The following CEP63 variants were observed in gnomAD, a reference collection of about 807,000 sequenced individuals.
CEP63 encodes the protein centrosomal protein of 63 kDa.
A neutral mutation model predicts 89.1 loss-of-function variants in CEP63; 84 were observed. The ratio of observed to expected loss-of-function variants is 0.94; its 90% CI spans 0.79 to 1.13. The LOEUF is 1.13. CEP63 is among the 50% of genes most tolerant of loss of function. The pLI is 0.00. For synonymous variants in CEP63, 267 were observed against 272.5 expected (o/e 0.98, Z 0.20); for missense variants, 838 against 813.3 (o/e 1.03, Z -0.37).
intron 9 of CEP63, 139 bp from the exon 10 acceptor site, chr3:134,548,923 G>C (rs1954210090): frequency 1.6e-6 from 1 of 642,908 alleles, no homozygotes; most frequent in African/African-American, 1.8e-5. Context: ...TGGCTTTTTA[G>C]TAATATTTTA....
intron 2 of CEP63, among the ~76,000 whole-genome samples, chr3:134,496,670 G>A (rs1194333610): frequency 6.6e-6 from 1 of 152,100 alleles, no homozygotes; most frequent in African/African-American, 2.4e-5. Context: ...GAAATATTGT[G>A]CCTGTTTATG....
chr3:134,707,403 C>T, the CEP63 span, among the ~76,000 whole-genome samples: 1 of 152,170 alleles, frequency 6.6e-6, no homozygotes, highest in Non-Finnish European at 1.5e-5. Flanking sequence ...GTACAGGGGC[C>T]AGAGGGCTAC....
rs781425260 is a variant in CEP63 at position 134,558,245 on chromosome 3, A to T, written c.1571A>T (p.Lys524Ile). 10 of 1,613,834 alleles carry T rather than the reference A, an allele frequency of 6.2e-6. No individual in the cohort carries two copies. The South Asian group carries it at 9.9e-5, about 16-fold the overall frequency. ...QQLQKDLMNT[K>I]SQLEISTQMC... ...CTACAGAAAGATTTGATGAATACCA[A>T]ATCTCAGCTGGAGATTTCTACTCAG... Residue 524 changes from lysine to isoleucine, a missense_variant, in exon 13 of 15, where the codon AAA (lysine) becomes ATA (isoleucine). Physicochemically the swap from Lys to Ile is moderately radical, Grantham distance 102 (BLOSUM62 -3). Transcript: ENST00000675561.
the CEP63 span, among the ~76,000 whole-genome samples, chr3:134,779,524 A>C: frequency 1.3e-5 from 2 of 152,230 alleles, no homozygotes; most frequent in Admixed American, 1.3e-4. Context: ...GGAGAGTGAC[A>C]AAATGAATTT....
Position 134,573,445 on chromosome 3 carries a change from G to A in CEP63, c.1330-1348G>A, listed in dbSNP as rs192303787. Among the ~76,000 whole-genome samples the A allele has an allele frequency of 3.3e-5, 5 of 152,230 alleles. No individual in the cohort carries two copies. In the East Asian group the frequency reaches 7.7e-4, roughly 24 times the overall value. ...TTTTTGTATACAATGAAAGGTAAGG[G>A]TCCAGTTTCAATCTTCTGCATATGG... On this transcript the variant is annotated intron_variant, in intron 11 of 11. Transcript: ENST00000354446.
rs1036704773 is a variant in CEP63, at chr3:134,537,176, G to A, written c.463G>A (p.Asp155Asn). The A allele has an allele frequency of 6.2e-7, 1 of 1,613,546 alleles. No individual in the cohort carries two copies. Among genetic ancestry groups the A allele is most frequent in the Non-Finnish European group, 8.5e-7 (1 of 1,179,496 alleles). ...KIEEFRQKSL[D>N]WEKQRLIYQQ... ...TCAGGAATTCCGTCAGAAATCGCTG[G>A]ACTGGGAGAAGCAACGCTTGATTTA... Residue 155 changes from aspartate to asparagine, a missense_variant, in exon 6 of 15, where the codon GAC becomes AAC. Transcript: ENST00000675561.
intron 1 of CEP63, among the ~76,000 whole-genome samples, chr3:134,488,596 A>C (rs1936499971): frequency 6.6e-6 from 1 of 152,090 alleles, no homozygotes; most frequent in Non-Finnish European, 1.5e-5. Context: ...GCAAGAGTGC[A>C]AGACTCGGTC....
chr3:134,675,265 G>T, the CEP63 span, among the ~76,000 whole-genome samples: 1 of 152,202 alleles, frequency 6.6e-6, no homozygotes, highest in Non-Finnish European at 1.5e-5. Context: ...AAACAAGGGT[G>T]TCAAGACAAA....
intron 11 of CEP63, among the ~76,000 whole-genome samples, chr3:134,572,128 G>A (rs1035239122): frequency 3.3e-5 from 5 of 152,168 alleles, no homozygotes; most frequent in African/African-American, 9.7e-5. Flanking sequence ...AGAATTTAGA[G>A]GCCTACTTAT....
the CEP63 span, among the ~76,000 whole-genome samples, chr3:134,611,108 T>C: frequency 1.3e-5 from 2 of 152,224 alleles, no homozygotes; most frequent in African/African-American, 2.4e-5. Context: ...ATTTGCTGAC[T>C]GCCTGCCCTG....
downstream of CEP63, among the ~76,000 whole-genome samples, chr3:134,567,002 G>C (rs1957794121): frequency 6.6e-6 from 1 of 152,148 alleles, no homozygotes; most frequent in South Asian, 2.1e-4. Context: ...TAACACCAAA[G>C]TGGAAGCAAC....
At position 134,561,558 on chromosome 3, in the gene CEP63, T is replaced by C. The variant is rs757492452; in HGVS notation, c.*23T>C. 3.1e-6 allele frequency: 5 copies of C among 1,600,226 alleles called. No homozygotes were observed. The highest frequency in any genetic ancestry group is 1.7e-5 in the Admixed American group (1 of 58,118). Reference sequence around the variant, plus strand: ...TAGCCTCTTAAAAAAATCACTATCTTGGAAATAAAAATAAACACCAAAGAG... The same window carrying C: ...TAGCCTCTTAAAAAAATCACTATCTCGGAAATAAAAATAAACACCAAAGAG... On this transcript the variant is annotated 3_prime_UTR_variant, in exon 15 of 15. Transcript: ENST00000675561.
downstream of CEP63, among the ~76,000 whole-genome samples, chr3:134,588,144 T>A (rs2107679898): frequency 6.6e-6 from 1 of 151,964 alleles, no homozygotes; most frequent in East Asian, 1.9e-4. Context: ...AATACAGAAA[T>A]CAGCTGGGTG....
chr3:134,603,987 C>A, the CEP63 span: 1 of 1,613,728 alleles, frequency 6.2e-7, no homozygotes, highest in African/African-American at 1.3e-5. Context: ...CATGGGGCAG[C>A]TGGACTTTCA....
At chr3:134,662,931 C>T in the CEP63 span, among the ~76,000 whole-genome samples, 1 of 152,192 alleles carries the variant, frequency 6.6e-6, no homozygotes, top group Non-Finnish European at 1.5e-5. Flanking sequence ...GATTCCTGAC[C>T]CTGGGCTCTC....
chr3:134,505,328 A>T (rs1040612215), intron 2 of CEP63, among the ~76,000 whole-genome samples: 3 of 151,656 alleles, frequency 2.0e-5, no homozygotes, highest in Admixed American at 6.6e-5. Flanking sequence ...TTTTGATTTG[A>T]TTCTCAGTGG....
At chr3:134,739,645 A>G in the CEP63 span, among the ~76,000 whole-genome samples, 2,198 of 152,198 alleles carry the variant, frequency 0.014, 59 homozygotes, top group African/African-American at 0.049. Flanking sequence ...TCTATAGGAT[A>G]TTTATGTACA....
At chr3:134,624,389 CA>C in the CEP63 span, among the ~76,000 whole-genome samples, 1 of 152,226 alleles carries the variant, frequency 6.6e-6, no homozygotes, top group Admixed American at 6.5e-5. Context: ...ATTATTTCAA[CA>C]AACAAGGTTC....
the CEP63 span, among the ~76,000 whole-genome samples, chr3:134,657,736 T>C: frequency 6.6e-6 from 1 of 152,190 alleles, no homozygotes; most frequent in Admixed American, 6.5e-5. Context: ...GAGATATATA[T>C]ATATGAAATG....
Sources: gnomAD v4.1 joint callset for allele counts (sites outside exome capture counted in the v4.1 genomes callset) on GRCh38, gnomAD v4.1.1 for gene constraint, MANE v1.5 for transcripts, NCBI Gene and HGNC (gene_info 2026-07-23, HGNC 2026-07-21) for gene names.